The following DDX10 variants were observed in gnomAD, a reference collection of about 807,000 sequenced individuals.
DDX10 encodes the protein DEAD-box helicase 10, also known as probable ATP-dependent RNA helicase DDX10.
DDX10 carries 74 observed loss-of-function variants against 104.3 expected under a neutral mutation model. The ratio of observed to expected loss-of-function variants is 0.71; its 90% CI spans 0.59 to 0.86. The LOEUF is 0.86. DDX10 is among the 40% of genes least tolerant of loss of function. DDX10 has a pLI of 0.00. For synonymous variants in DDX10, 351 were observed against 353.4 expected, an observed-to-expected ratio of 0.99 and a Z score of 0.08; for missense variants, 952 against 1,040.0, an observed-to-expected ratio of 0.92 and a Z score of 1.16.
chr11:108,841,440 AG>A lies in DDX10; in HGVS notation c.2212del (p.Glu738LysfsTer16). On this transcript the variant is annotated frameshift_variant, in exon 15 of 18. Transcript: ENST00000322536. LOFTEE classifies it high-confidence loss of function. ...RLQEEDKFDK[E>X]EYRKKIKAKH... Reference sequence around the variant, plus strand: ...TTCAGGAAGAGGACAAATTTGACAAAGAAGAATATAGGAAAAAAATTAAGGC... The same window carrying A: ...TTCAGGAAGAGGACAAATTTGACAAAAAGAATATAGGAAAAAAATTAAGGC... 4.3e-6 allele frequency: 7 copies of A among 1,613,978 alleles called. No individual in the cohort carries two copies. Among genetic ancestry groups the A allele is most frequent in the Non-Finnish European group, 5.9e-6 (7 of 1,179,876 alleles).
intron 13 of DDX10, among the ~76,000 whole-genome samples, chr11:108,770,148 T>C (rs2094361152): frequency 6.6e-6 from 1 of 152,194 alleles, no homozygotes; most frequent in Non-Finnish European, 1.5e-5. Flanking sequence ...ATTCATTCAT[T>C]CATTTTAATT....
Position 108,665,085 on chromosome 11 carries a change from G to A in DDX10, c.-69G>A, listed in dbSNP as rs2094208085. 2.0e-6 allele frequency: 3 copies of A among 1,481,068 alleles called. No individual in the cohort carries two copies. The Admixed American group carries it at 7.8e-5, about 38-fold the overall frequency. 91.7% of individuals were successfully genotyped at this position (1,481,068 alleles called of 1,614,324 possible). The stretch of plus-strand genomic sequence containing the variant: ...CGCCTCTGTGCGTTTGTCCCATGCT[G>A]GTTCCGTGAGTCTGGCCTTAGGTGT... On this transcript the variant is annotated 5_prime_UTR_variant, in exon 1 of 18. Coordinates refer to ENST00000322536, the MANE Select transcript of DDX10 (RefSeq NM_004398.4).
chr11:108,857,549 G>T (rs1862887688), intron 16 of DDX10, among the ~76,000 whole-genome samples: 1 of 152,100 alleles, frequency 6.6e-6, no homozygotes, highest in South Asian at 2.1e-4. Flanking sequence ...GTTTTCCTTT[G>T]TGTGCCTATC....
intron 13 of DDX10, among the ~76,000 whole-genome samples, chr11:108,775,925 G>T (rs557659963): frequency 6.6e-4 from 100 of 152,124 alleles, no homozygotes; most frequent in Non-Finnish European, 1.1e-3. Context: ...TTTATGTGTG[G>T]TTTTTTTAGT....
intron 13 of DDX10, among the ~76,000 whole-genome samples, chr11:108,780,620 CTT>C (rs2094376912): frequency 6.6e-6 from 1 of 152,140 alleles, no homozygotes; most frequent in Non-Finnish European, 1.5e-5. Flanking sequence ...ATATACTTGT[CTT>C]TGTGTCCCAA....
chr11:108,699,584 G>A (rs768728137), intron 9 of DDX10, among the ~76,000 whole-genome samples: 4 of 152,158 alleles, frequency 2.6e-5, no homozygotes, highest in Non-Finnish European at 5.9e-5. Flanking sequence ...ACAGCTGAGG[G>A]AGAGAAAGAT....
chr11:108,923,002 C>T (rs1863854460), intron 17 of DDX10, among the ~76,000 whole-genome samples: 1 of 152,162 alleles, frequency 6.6e-6, no homozygotes, highest in Admixed American at 6.5e-5. Context: ...TTGATGTTCT[C>T]TGGCTTTTTT....
At chr11:108,911,660 T>C (rs1341694780) in intron 16 of DDX10, among the ~76,000 whole-genome samples, 1 of 146,608 alleles carries the variant, frequency 6.8e-6, no homozygotes, top group Non-Finnish European at 1.5e-5. Flanking sequence ...CTCTGCCTCT[T>C]GGGCTCAAGC....
chr11:108,816,033 A>C (rs761035938), intron 13 of DDX10, among the ~76,000 whole-genome samples: 20 of 151,512 alleles, frequency 1.3e-4, no homozygotes, highest in Non-Finnish European at 1.9e-4. Flanking sequence ...TGAACATCTT[A>C]ACACTCCTAG....
At chr11:108,818,797 G>T (rs534213319) in intron 13 of DDX10, among the ~76,000 whole-genome samples, 1 of 152,242 alleles carries the variant, frequency 6.6e-6, no homozygotes, top group South Asian at 2.1e-4. Flanking sequence ...ATGTTCCAAT[G>T]TACCCTTTTT....
At chr11:108,714,134 T>C (rs1038650594) in intron 10 of DDX10, among the ~76,000 whole-genome samples, 11 of 152,234 alleles carry the variant, frequency 7.2e-5, no homozygotes, top group Non-Finnish European at 1.6e-4. Flanking sequence ...TTTCTGATAT[T>C]TACTGTGAGA....
chr11:108,741,867 A>T (rs1379653267), intron 13 of DDX10, among the ~76,000 whole-genome samples: 1 of 152,140 alleles, frequency 6.6e-6, no homozygotes, highest in East Asian at 1.9e-4. Flanking sequence ...TAGTCATCAC[A>T]ACTAGAAAAA....
intron 16 of DDX10, among the ~76,000 whole-genome samples, chr11:108,905,503 C>G (rs1863584844): frequency 6.6e-6 from 1 of 152,048 alleles, no homozygotes; most frequent in African/African-American, 2.4e-5. Flanking sequence ...TGGTTCACTT[C>G]TATGGGTTTT....
intron 16 of DDX10, among the ~76,000 whole-genome samples, chr11:108,906,755 G>A (rs552537325): frequency 6.6e-5 from 10 of 152,284 alleles, no homozygotes; most frequent in Admixed American, 1.3e-4. Context: ...TTAATAGGGC[G>A]TTATGAAATT....
chr11:108,785,172 T>C (rs1199191191), intron 13 of DDX10, among the ~76,000 whole-genome samples: 2 of 152,174 alleles, frequency 1.3e-5, no homozygotes, highest in African/African-American at 4.8e-5. Flanking sequence ...TTTCTGCCTC[T>C]ATTGAAATGA....
At chr11:108,750,899 A>C (rs1052679820) in intron 13 of DDX10, among the ~76,000 whole-genome samples, 4 of 143,964 alleles carry the variant, frequency 2.8e-5, no homozygotes, top group African/African-American at 1.0e-4. Context: ...CTAGAACTAA[A>C]TACATGTGCA....
chr11:108,769,251 G>A (rs1216437274), intron 13 of DDX10, among the ~76,000 whole-genome samples: 1 of 149,504 alleles, frequency 6.7e-6, no homozygotes, highest in Admixed American at 6.7e-5. Flanking sequence ...TGTTGATGTT[G>A]TATAATCTCT....
At position 108,915,253 on chromosome 11, in the gene DDX10, A is replaced by G. The variant is rs533969572; in HGVS notation, c.2305-2620A>G. On this transcript the variant is annotated intron_variant, in intron 16 of 17. Coordinates refer to ENST00000322536, the MANE Select transcript of DDX10 (RefSeq NM_004398.4). ...AACAAAAAATTGTGAAATCAGCCAG[A>G]GGAAAATGATACTTGCTTACCCTTC... 6.4e-4 allele frequency among the ~76,000 whole-genome samples: 98 copies of G among 152,318 alleles called. 2 individuals are homozygous for G. The South Asian group carries it at 0.014, about 21-fold the overall frequency.
At chr11:108,734,428 T>C (rs772071442) in intron 13 of DDX10, among the ~76,000 whole-genome samples, 9 of 152,184 alleles carry the variant, frequency 5.9e-5, no homozygotes, top group African/African-American at 2.2e-4. Flanking sequence ...GGAGTTGTTA[T>C]TGTGTAACAT....
Sources: gnomAD v4.1 joint callset for allele counts (sites outside exome capture counted in the v4.1 genomes callset) on GRCh38, gnomAD v4.1.1 for gene constraint, MANE v1.5 for transcripts, NCBI Gene and HGNC (gene_info 2026-07-23, HGNC 2026-07-21) for gene names.